PCSK6: variants seen among roughly 807,000 people sequenced by gnomAD.
PCSK6 encodes the protein proprotein convertase subtilisin/kexin type 6.
In PCSK6, 85 loss-of-function variants were observed where a neutral mutation model predicts 123.3. The observed-to-expected ratio is 0.69, with a 90% CI of 0.58 to 0.83. The LOEUF (loss-of-function observed/expected upper bound fraction) is 0.83, where lower values mean the gene tolerates loss of function less well. Ranked by LOEUF, PCSK6 falls within the 40% of genes least tolerant of loss-of-function variation. PCSK6 has a pLI of 0.00. For missense variants in PCSK6, 1,191 were observed against 1,282.3 expected, an observed-to-expected ratio of 0.93 and a Z score of 1.09; for synonymous variants, 508 against 516.0, an observed-to-expected ratio of 0.98 and a Z score of 0.21.
At position 101,398,648 on chromosome 15, in the gene PCSK6, G is replaced by A. The variant is rs1220973571; in HGVS notation, c.824-72C>T. Reference sequence around the variant, plus strand: ...CACAGCGACGGGAACCCGGGCCCAGGAGGCTCGGATGAGGACACCGCATCA... The same window carrying A: ...CACAGCGACGGGAACCCGGGCCCAGAAGGCTCGGATGAGGACACCGCATCA... On this transcript the variant is annotated intron_variant, in intron 6 of 21. Coordinates refer to ENST00000611716, the MANE Select transcript of PCSK6 (RefSeq NM_002570.5). The surrounding 1 kb of genome is among the most constrained non-coding windows in gnomAD (Gnocchi z 4.6). The A allele has an allele frequency of 1.3e-6, 2 of 1,530,352 alleles. No individual in the cohort carries two copies. The highest frequency in any genetic ancestry group is 2.4e-5 in the South Asian group (2 of 83,742). The allele number at this position is 1,530,352 out of a possible 1,614,324, so 94.8% of individuals were successfully genotyped here. A position where few individuals can be genotyped will look rare whatever the true frequency, so the allele number is the denominator to read the frequency against.
At chr15:101,434,319 A>G (rs2056534618) in intron 2 of PCSK6, among the ~76,000 whole-genome samples, 1 of 152,216 alleles carries the variant, frequency 6.6e-6, no homozygotes, top group Non-Finnish European at 1.5e-5. Context: ...CTCTGTTCTA[A>G]CAACATCCAG....
chr15:101,394,038 C>T (rs890364564), intron 7 of PCSK6, among the ~76,000 whole-genome samples: 1 of 152,118 alleles, frequency 6.6e-6, no homozygotes, highest in African/African-American at 2.4e-5. Flanking sequence ...TCAGAGCTCC[C>T]TGTGGTCTCT....
intron 13 of PCSK6, among the ~76,000 whole-genome samples, chr15:101,356,505 CAAAAAAAAAAAA>C (rs34350017): frequency 1.2e-4 from 10 of 86,244 alleles, no homozygotes; most frequent in East Asian, 9.3e-4. Flanking sequence ...ACTAAAACTA[CAAAAAAAAAAAA>C]AAAAAAAAAA....
At chr15:101,471,892 C>A (rs918569004) in intron 1 of PCSK6, among the ~76,000 whole-genome samples, 1 of 152,140 alleles carries the variant, frequency 6.6e-6, no homozygotes, top group Non-Finnish European at 1.5e-5. Context: ...CTTGGCCTGT[C>A]TATGAGACAC....
intron 15 of PCSK6, 72 bp downstream of exon 15, chr15:101,331,579 G>A: frequency 7.1e-7 from 1 of 1,411,046 alleles, no homozygotes; most frequent in Non-Finnish European, 9.9e-7. Context: ...ACCCCATTCT[G>A]GTTGGGCATA....
chr15:101,393,158 C>T, intron 8 of PCSK6, 54 bp downstream of exon 8: 1 of 1,352,164 alleles, frequency 7.4e-7, no homozygotes, highest in South Asian at 1.2e-5. Flanking sequence ...GAAACTCATT[C>T]CCAGAGGGCT....
At chr15:101,466,822 A>G (rs1298661664) in intron 1 of PCSK6, among the ~76,000 whole-genome samples, 1 of 152,164 alleles carries the variant, frequency 6.6e-6, no homozygotes, top group Non-Finnish European at 1.5e-5. Flanking sequence ...CGGAGAGTAG[A>G]TGAGTGGCTG....
rs117406957 is a variant in PCSK6, at chr15:101,354,540, C to T, written c.1858+11656G>A. 7.7e-3 allele frequency among the ~76,000 whole-genome samples: 1,166 copies of T among 152,368 alleles called. 11 individuals carry two copies. Among genetic ancestry groups the T allele is most frequent in the Admixed American group, 0.012 (186 of 15,306 alleles). ...CAAGTGAAGAACTGAAGTGTATTTG[C>T]TGTAAAGCAATGAAATCTTTACATC... On this transcript the variant is annotated intron_variant, in intron 13 of 21. Coordinates refer to ENST00000611716, the MANE Select transcript of PCSK6 (RefSeq NM_002570.5).
At chr15:101,461,539 T>G (rs1002063560) in intron 1 of PCSK6, among the ~76,000 whole-genome samples, 1 of 152,058 alleles carries the variant, frequency 6.6e-6, no homozygotes, top group African/African-American at 2.4e-5. Flanking sequence ...AAGAACAGTA[T>G]AAGAAAGGGA....
intron 1 of PCSK6, among the ~76,000 whole-genome samples, chr15:101,452,275 T>C (rs2057054869): frequency 6.6e-6 from 1 of 152,242 alleles, no homozygotes; most frequent in Admixed American, 6.5e-5. Flanking sequence ...GTTTAATTTC[T>C]ACATGTGGTC....
At chr15:101,379,832 C>T (rs530887669) in intron 11 of PCSK6, among the ~76,000 whole-genome samples, 1 of 152,342 alleles carries the variant, frequency 6.6e-6, no homozygotes, top group South Asian at 2.1e-4. Flanking sequence ...GCAGATGACC[C>T]CGACCTGCAG....
chr15:101,336,960 T>G (rs1243663772), intron 13 of PCSK6: 1 of 152,008 alleles, frequency 6.6e-6, no homozygotes, highest in Non-Finnish European at 1.5e-5. Flanking sequence ...ACACTTGACC[T>G]AAGGTTAGGT....
chr15:101,366,140 G>C, intron 13 of PCSK6, 56 bp downstream of exon 13: 2 of 1,551,578 alleles, frequency 1.3e-6, no homozygotes, highest in Non-Finnish European at 1.7e-6. Flanking sequence ...AAGGCCCAGA[G>C]GTAAAAAGAG....
In PCSK6 at chr15:101,393,362, GT is replaced by G. The variant is rs1478403463; in HGVS notation, c.1058del (p.Asp353AlafsTer82). ...WASGNGGREG[D>X]YCSCDGYTNS... The stretch of plus-strand genomic sequence containing the variant: ...TGGTGTAGCCATCGCACGAGCAGTA[GT>G]CCCCCTCTCTCCCGCCATTCCCAGA... On this transcript the variant is annotated frameshift_variant, in exon 8 of 22. Coordinates refer to ENST00000611716, the MANE Select transcript of PCSK6 (RefSeq NM_002570.5). LOFTEE classifies it high-confidence loss of function. 1 of 1,607,358 alleles carries G rather than the reference GT, an allele frequency of 6.2e-7. No homozygotes were observed. Among genetic ancestry groups the G allele is most frequent in the African/African-American group, 1.3e-5 (1 of 74,698 alleles).
At chr15:101,449,353 T>A (rs1045251792) in intron 1 of PCSK6, among the ~76,000 whole-genome samples, 1 of 152,108 alleles carries the variant, frequency 6.6e-6, no homozygotes, top group African/African-American at 2.4e-5. Flanking sequence ...CTGAGGTTGG[T>A]TGAATGTGTA....
At chr15:101,355,976 C>T (rs1450881830) in intron 13 of PCSK6, among the ~76,000 whole-genome samples, 4 of 152,178 alleles carry the variant, frequency 2.6e-5, no homozygotes, top group East Asian at 1.9e-4. Flanking sequence ...GGAGACCCAG[C>T]GCAGAGGCCA....
chr15:101,484,331 C>T (rs1169102665), intron 1 of PCSK6, among the ~76,000 whole-genome samples: 3 of 152,190 alleles, frequency 2.0e-5, no homozygotes, highest in African/African-American at 4.8e-5. Flanking sequence ...ACTTTTACTA[C>T]ATCTATAAGC....
intron 19 of PCSK6, among the ~76,000 whole-genome samples, chr15:101,314,436 T>C (rs1172410136): frequency 6.6e-6 from 1 of 152,236 alleles, no homozygotes; most frequent in African/African-American, 2.4e-5. Context: ...TCAGGGGCTC[T>C]ATGATAATCA....
At chr15:101,387,431 A>AT (rs1324996207) in intron 9 of PCSK6, among the ~76,000 whole-genome samples, 1 of 152,216 alleles carries the variant, frequency 6.6e-6, no homozygotes, top group Non-Finnish European at 1.5e-5. Context: ...AGGTGCCGGG[A>AT]TGACCTTTGG....
Sources: gnomAD v4.1 joint callset for allele counts (sites outside exome capture counted in the v4.1 genomes callset) on GRCh38, gnomAD v4.1.1 for gene constraint, Gnocchi (gnomAD v3.1) non-coding constraint, MANE v1.5 for transcripts, NCBI Gene and HGNC (gene_info 2026-07-23, HGNC 2026-07-21) for gene names.